Variants in DLGAP2 observed in about 807,000 individuals in gnomAD.
The protein encoded by DLGAP2 is disks large-associated protein 2.
In DLGAP2, 26 loss-of-function variants were observed where a neutral mutation model predicts 100.3. That is an observed-to-expected ratio of 0.26 (90% CI 0.19 to 0.36). DLGAP2 has a LOEUF of 0.36. Ranked by LOEUF, DLGAP2 falls within the 10% of genes least tolerant of loss-of-function variation. DLGAP2 has a pLI of 1.00. For missense variants in DLGAP2, 1,858 were observed against 1,453.2 expected (o/e 1.28, Z -4.53); for synonymous variants, 886 against 630.1 (o/e 1.41, Z -6.08).
chr8:957,683 C>A (rs976903523), intron 2 of DLGAP2, among the ~76,000 whole-genome samples: 1 of 152,172 alleles, frequency 6.6e-6, no homozygotes, highest in East Asian at 1.9e-4. Flanking sequence ...ATCTCTAATG[C>A]CTTACCCTTG....
At chr8:1,453,122 A>T (rs948863300) in intron 3 of DLGAP2, among the ~76,000 whole-genome samples, 7 of 151,932 alleles carry the variant, frequency 4.6e-5, no homozygotes, top group African/African-American at 1.7e-4. Flanking sequence ...GGGAGCTGAG[A>T]TGCCAGGAAG....
intron 2 of DLGAP2, among the ~76,000 whole-genome samples, chr8:1,066,997 C>T (rs923067096): frequency 2.0e-5 from 3 of 152,310 alleles, no homozygotes; most frequent in Non-Finnish European, 2.9e-5. Flanking sequence ...CCTGGGCCCC[C>T]CTGATGCCCG....
chr8:758,949 GCCTTCCCATTATCAATAACCCCCACAA>G (rs1401837566), intron 1 of DLGAP2, among the ~76,000 whole-genome samples: 32 of 150,844 alleles, frequency 2.1e-4, no homozygotes, highest in African/African-American at 4.4e-4. Context: ...CTCCCCAACA[GCCTTCCCATTATCAATAACCCCCACAA>G]CCTTCCCATT....
intron 2 of DLGAP2, among the ~76,000 whole-genome samples, chr8:1,173,618 C>T (rs939279776): frequency 3.3e-5 from 5 of 152,280 alleles, no homozygotes; most frequent in African/African-American, 1.2e-4. Context: ...TCCCTGCCGC[C>T]TAGTTTGATC....
intron 4 of DLGAP2, among the ~76,000 whole-genome samples, chr8:1,516,643 GTGAGTGAC>G (rs1197261621): frequency 2.0e-5 from 3 of 147,058 alleles, no homozygotes; most frequent in African/African-American, 7.5e-5. Flanking sequence ...GAATGAGTGA[GTGAGTGAC>G]TGAGTGAATG....
At chr8:1,649,643 A>G (rs1798119360) in intron 8 of DLGAP2, among the ~76,000 whole-genome samples, 1 of 152,236 alleles carries the variant, frequency 6.6e-6, no homozygotes, top group Non-Finnish European at 1.5e-5. Flanking sequence ...TATAGTAAGG[A>G]AATAGTTATA....
At chr8:1,684,027 G>T (rs1487834287) in intron 12 of DLGAP2, among the ~76,000 whole-genome samples, 1 of 137,876 alleles carries the variant, frequency 7.3e-6, no homozygotes, top group Admixed American at 7.6e-5. Context: ...TGACACCAAG[G>T]CTGGAGCGCA....
At chr8:1,078,055 C>T (rs960235549) in intron 2 of DLGAP2, among the ~76,000 whole-genome samples, 1 of 152,132 alleles carries the variant, frequency 6.6e-6, no homozygotes, top group East Asian at 1.9e-4. Flanking sequence ...TAAATCCCAC[C>T]GGGACCCGGT....
intron 4 of DLGAP2, among the ~76,000 whole-genome samples, chr8:1,518,252 T>G (rs937068739): frequency 3.9e-5 from 6 of 152,212 alleles, no homozygotes; most frequent in African/African-American, 1.4e-4. Flanking sequence ...TGCTCCCAAA[T>G]TGCATTCTGG....
intron 2 of DLGAP2, among the ~76,000 whole-genome samples, chr8:1,098,756 C>T (rs1357529317): frequency 3.7e-5 from 5 of 136,878 alleles, no homozygotes; most frequent in African/African-American, 1.0e-4. Flanking sequence ...CCCGGCCGCC[C>T]ACGGGCGCCG....
intron 3 of DLGAP2, among the ~76,000 whole-genome samples, chr8:1,408,213 C>T (rs1023234025): frequency 6.6e-6 from 1 of 152,336 alleles, no homozygotes; most frequent in South Asian, 2.1e-4. Context: ...TCCTTGTGCT[C>T]TTTCCACCTG....
intron 1 of DLGAP2, among the ~76,000 whole-genome samples, chr8:785,800 T>G (rs1563431676): frequency 2.7e-5 from 1 of 37,178 alleles, no homozygotes; most frequent in African/African-American, 1.1e-4. Context: ...GAGACCGGCC[T>G]CCCTCCTCCC....
In DLGAP2 at chr8:1,647,156, A is replaced by C. The variant is rs142193939; in HGVS notation, c.1810+14110A>C. ...ACACTGCAGTGAGACTAGTGCAGAC[A>C]GTCCCCCAGCTGGTTGCTGGATCTG... On this transcript the variant is annotated intron_variant, in intron 8 of 14. Transcript: ENST00000637795. Among the ~76,000 whole-genome samples the C allele has an allele frequency of 2.0e-3, 300 of 152,304 alleles. 12 individuals are homozygous for C. In the East Asian group the frequency reaches 0.052, roughly 26 times the overall value.
intron 2 of DLGAP2, among the ~76,000 whole-genome samples, chr8:1,027,591 C>T (rs1225438293): frequency 6.8e-4 from 85 of 124,822 alleles, no homozygotes; most frequent in Middle Eastern, 6.8e-3. Context: ...AGGTGGGGTG[C>T]CAGGGGCCCG....
intron 6 of DLGAP2, among the ~76,000 whole-genome samples, chr8:1,575,273 G>T (rs1159439048): frequency 6.6e-6 from 1 of 152,004 alleles, no homozygotes; most frequent in Non-Finnish European, 1.5e-5. Context: ...AGGGCATTAG[G>T]TTACATGAAA....
intron 6 of DLGAP2, among the ~76,000 whole-genome samples, chr8:1,589,429 T>A (rs1319582195): frequency 6.6e-6 from 1 of 152,128 alleles, no homozygotes; most frequent in African/African-American, 2.4e-5. Flanking sequence ...GTTGCCACAT[T>A]TTGTGTCTCC....
chr8:1,149,946 C>T (rs752782058), intron 2 of DLGAP2, among the ~76,000 whole-genome samples: 4 of 152,170 alleles, frequency 2.6e-5, no homozygotes, highest in Non-Finnish European at 4.4e-5. Flanking sequence ...CTGATATCTT[C>T]CTGCTCTGTG....
chr8:1,324,994 C>T (rs77932109), intron 3 of DLGAP2, among the ~76,000 whole-genome samples: 9,781 of 152,236 alleles, frequency 0.064, 382 homozygotes, highest in South Asian at 0.13. Context: ...ATATCCGAAA[C>T]CACCCCTGTA....
At chr8:1,417,522 A>G (rs1734873775) in intron 3 of DLGAP2, among the ~76,000 whole-genome samples, 1 of 152,106 alleles carries the variant, frequency 6.6e-6, no homozygotes, top group South Asian at 2.1e-4. Flanking sequence ...CATAGTACAT[A>G]GCACAGGTGT....
Sources: gnomAD v4.1 joint callset for allele counts (sites outside exome capture counted in the v4.1 genomes callset) on GRCh38, gnomAD v4.1.1 for gene constraint, MANE v1.5 for transcripts, NCBI Gene and HGNC (gene_info 2026-07-23, HGNC 2026-07-21) for gene names.